RALYL: variants seen among roughly 807,000 people sequenced by gnomAD.
RALYL encodes RALY RNA binding protein like, also known as RNA-binding Raly-like protein.
Under a neutral mutation model 35.1 loss-of-function variants are expected in RALYL, and 29 were observed. The observed-to-expected ratio is 0.83, with a 90% CI of 0.61 to 1.13. The LOEUF is 1.13. Among genes scored for constraint, RALYL ranks in the 50% most tolerant of loss-of-function variants. RALYL has a pLI of 0.00. For synonymous variants in RALYL, 120 were observed against 127.6 expected (o/e 0.94, Z 0.40); for missense variants, 359 against 360.4 (o/e 1.00, Z 0.03).
At chr8:84,231,920 A>G (rs1825452540) in intron 1 of RALYL, among the ~76,000 whole-genome samples, 1 of 152,196 alleles carries the variant, frequency 6.6e-6, no homozygotes, top group African/African-American at 2.4e-5. Context: ...AAATATAACA[A>G]TGTGGGATTT....
At chr8:84,813,469 T>G (rs1826386176) in intron 4 of RALYL, among the ~76,000 whole-genome samples, 1 of 152,198 alleles carries the variant, frequency 6.6e-6, no homozygotes, top group African/African-American at 2.4e-5. Context: ...TGACTTTTAA[T>G]CCATAGTCAC....
intron 2 of RALYL, among the ~76,000 whole-genome samples, chr8:84,585,045 T>A (rs1811682157): frequency 6.6e-6 from 1 of 152,220 alleles, no homozygotes; most frequent in Admixed American, 6.5e-5. Context: ...ATTAATATAT[T>A]CAGGGTCCTC....
chr8:84,477,607 T>C (rs2053575904), intron 1 of RALYL, among the ~76,000 whole-genome samples: 1 of 150,944 alleles, frequency 6.6e-6, no homozygotes, highest in Non-Finnish European at 1.5e-5. Context: ...TAAATAAATA[T>C]ATACATAAAC....
chr8:84,866,617 C>T (rs1336928354), intron 6 of RALYL, among the ~76,000 whole-genome samples: 2 of 152,140 alleles, frequency 1.3e-5, no homozygotes, highest in Non-Finnish European at 2.9e-5. Context: ...GATAATCTTA[C>T]TGCCTTCTCT....
chr8:84,259,666 T>C (rs1831848773), intron 1 of RALYL, among the ~76,000 whole-genome samples: 1 of 152,214 alleles, frequency 6.6e-6, no homozygotes, highest in African/African-American at 2.4e-5. Flanking sequence ...ATTATGCTTG[T>C]ATACAGCCTT....
In RALYL at chr8:84,342,104, A is replaced by G. The variant is rs544020645; in HGVS notation, c.-24+157680A>G. On this transcript the variant is annotated intron_variant, in intron 1 of 8. Transcript: ENST00000521268. ...ATAAATGAAATATGAACACACACATACACTAAAGTTGATGAAATTCATTTA... is the reference window on the plus strand; with the variant it reads ...ATAAATGAAATATGAACACACACATGCACTAAAGTTGATGAAATTCATTTA... Among the ~76,000 whole-genome samples the G allele has an allele frequency of 1.0e-3, 158 of 150,974 alleles. 5 individuals carry two copies. In the South Asian group the frequency reaches 0.031, roughly 30 times the overall value.
At chr8:84,238,143 C>T (rs1473317412) in intron 1 of RALYL, among the ~76,000 whole-genome samples, 1 of 152,044 alleles carries the variant, frequency 6.6e-6, no homozygotes, top group African/African-American at 2.4e-5. Context: ...ATGACCCACA[C>T]TTTCTCCTTC....
At chr8:84,648,054 A>G (rs1296455190) in intron 2 of RALYL, among the ~76,000 whole-genome samples, 2 of 152,056 alleles carry the variant, frequency 1.3e-5, no homozygotes, top group Non-Finnish European at 2.9e-5. Flanking sequence ...AGTTAGTACC[A>G]CAGAATATTG....
chr8:84,814,219 C>G (rs555259398), intron 4 of RALYL, among the ~76,000 whole-genome samples: 140 of 152,148 alleles, frequency 9.2e-4, no homozygotes, highest in African/African-American at 2.8e-3. Context: ...ATTTATGTAT[C>G]ATGTTCTAAA....
At chr8:84,658,568 C>T (rs986377420) in intron 2 of RALYL, among the ~76,000 whole-genome samples, 1 of 152,098 alleles carries the variant, frequency 6.6e-6, no homozygotes, top group Non-Finnish European at 1.5e-5. Flanking sequence ...CTAGTGATCC[C>T]ATAGAACACG....
chr8:84,839,495 C>A (rs1426485313), intron 4 of RALYL, among the ~76,000 whole-genome samples: 1 of 152,194 alleles, frequency 6.6e-6, no homozygotes, highest in Admixed American at 6.5e-5. Context: ...TGGAGCCCAC[C>A]ACAGCTCAAG....
At chr8:84,510,947 T>C (rs1374815127) in intron 1 of RALYL, among the ~76,000 whole-genome samples, 2 of 152,188 alleles carry the variant, frequency 1.3e-5, no homozygotes, top group African/African-American at 4.8e-5. Flanking sequence ...TGCTGAAACA[T>C]TTGAATTTTA....
At chr8:84,518,611 A>G (rs1266359370) in intron 1 of RALYL, among the ~76,000 whole-genome samples, 1 of 152,180 alleles carries the variant, frequency 6.6e-6, no homozygotes, top group African/African-American at 2.4e-5. Flanking sequence ...CAAACATTCA[A>G]GTTGGTAGGA....
chr8:84,367,239 G>T (rs1373791581), intron 1 of RALYL, among the ~76,000 whole-genome samples: 1 of 141,876 alleles, frequency 7.0e-6, no homozygotes, highest in South Asian at 2.3e-4. Context: ...AGGCTCAAGC[G>T]ATTCTCCTGC....
intron 2 of RALYL, among the ~76,000 whole-genome samples, chr8:84,692,130 G>A (rs1838186237): frequency 6.6e-6 from 1 of 151,822 alleles, no homozygotes; most frequent in African/African-American, 2.4e-5. Context: ...GTAAAATCAT[G>A]CTTAGCAATG....
chr8:84,590,274 TC>T (rs1812945373), intron 2 of RALYL, among the ~76,000 whole-genome samples: 1 of 152,208 alleles, frequency 6.6e-6, no homozygotes, highest in South Asian at 2.1e-4. Flanking sequence ...AATTATTGTT[TC>T]AAAATATAAT....
intron 2 of RALYL, among the ~76,000 whole-genome samples, chr8:84,691,580 C>T (rs1838061054): frequency 6.6e-6 from 1 of 151,932 alleles, no homozygotes; most frequent in Non-Finnish European, 1.5e-5. Flanking sequence ...AAAGAAAGAG[C>T]AAATGAGCAC....
At chr8:84,837,690 G>A (rs1011989385) in intron 4 of RALYL, among the ~76,000 whole-genome samples, 1 of 152,122 alleles carries the variant, frequency 6.6e-6, no homozygotes, top group African/African-American at 2.4e-5. Context: ...ATGGCTCTAA[G>A]CAATTACTTT....
intron 3 of RALYL, among the ~76,000 whole-genome samples, chr8:84,803,688 A>G (rs1311516458): frequency 7.2e-5 from 11 of 152,230 alleles, no homozygotes; most frequent in Non-Finnish European, 5.9e-5. Flanking sequence ...GCAGCATGGT[A>G]TATGGCGGAG....
Sources: gnomAD v4.1 joint callset for allele counts (sites outside exome capture counted in the v4.1 genomes callset) on GRCh38, gnomAD v4.1.1 for gene constraint, MANE v1.5 for transcripts, NCBI Gene and HGNC (gene_info 2026-07-23, HGNC 2026-07-21) for gene names.